Variants in RDH10 observed in about 807,000 individuals in gnomAD.
RDH10 encodes the protein retinol dehydrogenase 10 (all-trans).
RDH10 carries 12 observed loss-of-function variants against 30.2 expected under a neutral mutation model. The observed-to-expected ratio is 0.40, with a 90% CI of 0.25 to 0.64. The LOEUF (loss-of-function observed/expected upper bound fraction) is 0.64. Ranked by LOEUF, RDH10 falls within the 30% of genes least tolerant of loss-of-function variation. RDH10 has a pLI of 0.43. For synonymous variants in RDH10, 189 were observed against 172.2 expected (o/e 1.10, Z -0.76); for missense variants, 268 against 445.2 (o/e 0.60, Z 3.58).
rs984164441 is a variant in RDH10, at chr8:73,324,478, C to T, written c.*1442C>T. On this transcript the variant is annotated 3_prime_UTR_variant, in exon 6 of 6. Coordinates refer to ENST00000240285, the MANE Select transcript of RDH10 (RefSeq NM_172037.5). Reference sequence around the variant, plus strand: ...TAGAATGTCTTGTTTAAATAGTGGCCAATGTTTAAGGCTGTTAAAATAAGC... The same window carrying T: ...TAGAATGTCTTGTTTAAATAGTGGCTAATGTTTAAGGCTGTTAAAATAAGC... The T allele has an allele frequency of 2.6e-5, 4 of 152,218 alleles. No homozygotes were observed. Among genetic ancestry groups the T allele is most frequent in the African/African-American group, 9.7e-5 (4 of 41,302 alleles). The allele number at this position is 152,218 out of a possible 1,614,324, so 9.4% of individuals were successfully genotyped here.
Position 73,295,013 on chromosome 8 carries a change from C to G in RDH10, c.-277C>G. The G allele has an allele frequency of 2.7e-6, 1 of 370,100 alleles. No homozygotes were observed. The highest frequency in any genetic ancestry group is 2.1e-5 in the African/African-American group (1 of 47,386). The allele number at this position is 370,100 out of a possible 1,614,324, so 22.9% of individuals were successfully genotyped here. ...AGCCGGCCGGCCGGGCGCTGCGGGACGGGCGGGCGGCTGCCGGCAGGAGGC... is the reference window on the plus strand; with the variant it reads ...AGCCGGCCGGCCGGGCGCTGCGGGAGGGGCGGGCGGCTGCCGGCAGGAGGC... On this transcript the variant is annotated 5_prime_UTR_variant, in exon 1 of 6. Coordinates refer to ENST00000240285, the MANE Select transcript of RDH10 (RefSeq NM_172037.5).
intron 5 of RDH10, 26 bp downstream of exon 5, chr8:73,322,836 A>T: frequency 6.2e-7 from 1 of 1,614,096 alleles, no homozygotes; most frequent in Non-Finnish European, 8.5e-7. Context: ...TCCCTCACTG[A>T]CTGGGTCTCT....
chr8:73,319,439 C>G (rs144046899), intron 3 of RDH10, among the ~76,000 whole-genome samples: 1 of 152,142 alleles, frequency 6.6e-6, no homozygotes, highest in African/African-American at 2.4e-5. Context: ...GTGGGAGAAT[C>G]GTGCGAGCCC....
chr8:73,300,605 C>T lies in RDH10; in HGVS notation c.525+3176C>T, dbSNP rs922826786. The stretch of plus-strand genomic sequence containing the variant: ...AATATCTGTTTTCAGCAGTTAATAC[C>T]TGTATTTCAACAAGTAGTATGTTGA... On this transcript the variant is annotated intron_variant, in intron 2 of 5. Coordinates refer to ENST00000240285, the MANE Select transcript of RDH10 (RefSeq NM_172037.5). Among the ~76,000 whole-genome samples the T allele has an allele frequency of 3.9e-5, 6 of 152,172 alleles. No homozygotes were observed. In the East Asian group the frequency reaches 9.6e-4, roughly 24 times the overall value.
chr8:73,307,326 A>G (rs954919571), intron 2 of RDH10, among the ~76,000 whole-genome samples: 1 of 152,164 alleles, frequency 6.6e-6, no homozygotes, highest in African/African-American at 2.4e-5. Context: ...CTGTGTTTTA[A>G]CCAGAATATG....
chr8:73,306,980 T>C (rs1156502078), intron 2 of RDH10, among the ~76,000 whole-genome samples: 1 of 152,230 alleles, frequency 6.6e-6, no homozygotes, highest in Non-Finnish European at 1.5e-5. Flanking sequence ...GTAATTAACA[T>C]ACTGCCCCCT....
chr8:73,297,007 A>G (rs1305211168), intron 1 of RDH10, 187 bp from the exon 2 acceptor site: 1 of 576,950 alleles, frequency 1.7e-6, no homozygotes, highest in Non-Finnish European at 3.1e-6. Flanking sequence ...GTAATTCCCA[A>G]AGACTTCATG....
intron 2 of RDH10, chr8:73,312,923 C>T (rs1448105379): frequency 3.3e-5 from 5 of 152,204 alleles, no homozygotes; most frequent in Non-Finnish European, 7.3e-5. Flanking sequence ...ACAGGACAGT[C>T]GTGTATGTGC....
At chr8:73,317,736 CATA>C (rs1198272985) in intron 2 of RDH10, among the ~76,000 whole-genome samples, 1 of 151,930 alleles carries the variant, frequency 6.6e-6, no homozygotes, top group Admixed American at 6.6e-5. Flanking sequence ...GCCTGGGCAA[CATA>C]ATGAGACCCC....
At chr8:73,296,889 T>C (rs1814275593) in intron 1 of RDH10, 1 of 374,534 alleles carries the variant, frequency 2.7e-6, no homozygotes, top group South Asian at 2.2e-5. Context: ...AGATCAGTTC[T>C]TTGCAGGTGT....
intron 2 of RDH10, among the ~76,000 whole-genome samples, chr8:73,301,847 T>C (rs1025598210): frequency 2.0e-4 from 31 of 152,336 alleles, no homozygotes; most frequent in Middle Eastern, 3.4e-3. Flanking sequence ...GTCACTCATA[T>C]TTTCTTTTGC....
chr8:73,295,829 C>T (rs1409058322), intron 1 of RDH10: 2 of 1,213,704 alleles, frequency 1.6e-6, no homozygotes, highest in African/African-American at 3.2e-5. Flanking sequence ...GGGGAGGGGG[C>T]GGGTTTCCTA....
intron 2 of RDH10, 143 bp from the exon 3 acceptor site, chr8:73,318,953 T>C: frequency 3.4e-6 from 2 of 593,756 alleles, no homozygotes; most frequent in Non-Finnish European, 5.9e-6. Context: ...ACTTAAAAGA[T>C]CTTTTTGATA....
At position 73,323,241 on chromosome 8, in the gene RDH10, A is replaced by G. The variant is rs990920622; in HGVS notation, c.*205A>G. The stretch of plus-strand genomic sequence containing the variant: ...GTACAAGTGAACTTAGGTTGTTGCC[A>G]ACAGGGTCCTTTTAGGCAGAACCCA... On this transcript the variant is annotated 3_prime_UTR_variant, in exon 6 of 6. Coordinates refer to ENST00000240285, the MANE Select transcript of RDH10 (RefSeq NM_172037.5). 8 of 455,088 alleles carry G rather than the reference A, an allele frequency of 1.8e-5. No homozygotes were observed. The highest frequency in any genetic ancestry group is 2.8e-5 in the Non-Finnish European group (7 of 249,976). 28.2% of individuals were successfully genotyped at this position (455,088 alleles called of 1,614,324 possible).
rs182008488 is a variant in RDH10, at chr8:73,295,781, T to C, written c.289+203T>C. ...CTGTATTACCAGGGAGAAGGTGCCCTGTCCTCGCGGAGGTTCGGTCTCTGG... is the reference window on the plus strand; with the variant it reads ...CTGTATTACCAGGGAGAAGGTGCCCCGTCCTCGCGGAGGTTCGGTCTCTGG... On this transcript the variant is annotated intron_variant, in intron 1 of 5. Transcript: ENST00000240285. 27 of 976,524 alleles carry C rather than the reference T, an allele frequency of 2.8e-5. No homozygotes were observed. In the East Asian group the frequency reaches 8.4e-4, roughly 30 times the overall value. The allele number at this position is 976,524 out of a possible 1,614,324, so 60.5% of individuals were successfully genotyped here. A position where few individuals can be genotyped will look rare whatever the true frequency, so the allele number is the denominator to read the frequency against.
intron 4 of RDH10, chr8:73,321,610 G>T (rs919446610): frequency 2.0e-5 from 7 of 351,520 alleles, no homozygotes; most frequent in Middle Eastern, 7.4e-4. Flanking sequence ...ACTGAAAAAT[G>T]AAATAAAATA....
intron 2 of RDH10, chr8:73,311,101 C>T (rs1288208896): frequency 6.6e-6 from 1 of 152,114 alleles, no homozygotes; most frequent in African/African-American, 2.4e-5. Flanking sequence ...AGCGTGACCT[C>T]AGTATTCGGG....
intron 2 of RDH10, among the ~76,000 whole-genome samples, chr8:73,305,630 C>G (rs1814452923): frequency 6.7e-6 from 1 of 148,432 alleles, no homozygotes; most frequent in African/African-American, 2.5e-5. Context: ...GGTGCAGTTA[C>G]AGCCACTGGA....
intron 1 of RDH10, 118 bp from the exon 2 acceptor site, chr8:73,297,076 A>G: frequency 1.5e-6 from 1 of 671,496 alleles, no homozygotes; most frequent in Non-Finnish European, 2.7e-6. Flanking sequence ...AGAAATTTGA[A>G]GCTCACTGTA....
Sources: allele counts gnomAD v4.1 joint callset (sites outside exome capture counted in the v4.1 genomes callset), GRCh38; gene constraint gnomAD v4.1.1; transcripts MANE v1.5; gene names NCBI Gene and HGNC (gene_info 2026-07-23, HGNC 2026-07-21).